ZPBP: variants seen among roughly 807,000 people sequenced by gnomAD.
The protein encoded by ZPBP is zona pellucida-binding protein 1.
Under a neutral mutation model 44.8 loss-of-function variants are expected in ZPBP, and 26 were observed. That is an observed-to-expected ratio of 0.58 (90% CI 0.43 to 0.81). The LOEUF (loss-of-function observed/expected upper bound fraction) is 0.81, where lower values mean the gene tolerates loss of function less well. Among genes scored for constraint, ZPBP ranks in the 30% least tolerant of loss-of-function variants. ZPBP has a pLI of 0.00. For synonymous variants in ZPBP, 174 were observed against 153.2 expected, an observed-to-expected ratio of 1.14 and a Z score of -1.00; for missense variants, 409 against 434.0, an observed-to-expected ratio of 0.94 and a Z score of 0.51.
At chr7:49,949,839 C>G (rs1274935429) in intron 7 of ZPBP, among the ~76,000 whole-genome samples, 1 of 151,832 alleles carries the variant, frequency 6.6e-6, no homozygotes, top group Non-Finnish European at 1.5e-5. Context: ...TATACACATT[C>G]ATATATTTAA....
chr7:49,903,748 G>C (rs1160458921), intron 1 of ZPBP, among the ~76,000 whole-genome samples: 1 of 152,130 alleles, frequency 6.6e-6, no homozygotes, highest in South Asian at 2.1e-4. Flanking sequence ...CAGGGTTTGT[G>C]GTCTTGCTCC....
the ZPBP span, among the ~76,000 whole-genome samples, chr7:49,842,249 A>G: frequency 6.6e-6 from 1 of 152,228 alleles, no homozygotes; most frequent in Admixed American, 6.5e-5. Flanking sequence ...ATATGCATGA[A>G]CTAGTAAATG....
intron 6 of ZPBP, among the ~76,000 whole-genome samples, chr7:50,011,983 A>G (rs943106437): frequency 2.2e-4 from 33 of 151,794 alleles, no homozygotes; most frequent in Middle Eastern, 3.4e-3. Context: ...GTGAGCCAAG[A>G]CTGCACCACT....
At chr7:50,042,191 C>T (rs530916026) in intron 4 of ZPBP, among the ~76,000 whole-genome samples, 2 of 152,274 alleles carry the variant, frequency 1.3e-5, no homozygotes, top group South Asian at 2.1e-4. Flanking sequence ...ACCAAACCTA[C>T]ATTTGATTGG....
intron 6 of ZPBP, among the ~76,000 whole-genome samples, chr7:50,015,064 A>G (rs1798759430): frequency 1.3e-5 from 2 of 152,160 alleles, no homozygotes; most frequent in Non-Finnish European, 2.9e-5. Flanking sequence ...TTCTTTTTAC[A>G]TATGCCAATA....
intron 1 of ZPBP, chr7:49,913,621 G>T (rs1793572898): frequency 1.3e-5 from 2 of 152,110 alleles, no homozygotes; most frequent in Admixed American, 6.6e-5. Context: ...AGGGAATAAG[G>T]CTTGATTTCT....
chr7:50,033,687 T>TTTATTTATTTAC (rs2128813083), intron 4 of ZPBP, among the ~76,000 whole-genome samples: 1 of 151,538 alleles, frequency 6.6e-6, no homozygotes, highest in African/African-American at 2.4e-5. Flanking sequence ...AGTTTATTTA[T>TTTATTTATTTAC]TTATTTATTT....
chr7:50,013,460 G>A (rs1474514445), intron 6 of ZPBP, among the ~76,000 whole-genome samples: 1 of 151,796 alleles, frequency 6.6e-6, no homozygotes, highest in East Asian at 1.9e-4. Flanking sequence ...TCTGTCTAAA[G>A]CCATCAGTAG....
intron 2 of ZPBP, among the ~76,000 whole-genome samples, chr7:49,896,193 T>C (rs545978296): frequency 6.6e-6 from 1 of 152,096 alleles, no homozygotes; most frequent in South Asian, 2.1e-4. Flanking sequence ...ATACAAAAAT[T>C]AGTCAGGTTT....
intron 7 of ZPBP, among the ~76,000 whole-genome samples, chr7:49,964,157 G>C (rs569542355): frequency 1.1e-4 from 17 of 151,570 alleles, no homozygotes; most frequent in Middle Eastern, 3.4e-3. Flanking sequence ...TCTGATAAAG[G>C]GTATCTTAAA....
intron 7 of ZPBP, among the ~76,000 whole-genome samples, chr7:49,948,258 A>G (rs1028511317): frequency 3.3e-5 from 5 of 152,148 alleles, no homozygotes; most frequent in Admixed American, 2.6e-4. Context: ...CAGTTGTTCA[A>G]TTTGGTGTTC....
chr7:50,090,325 C>T (rs1181025201), intron 1 of ZPBP, among the ~76,000 whole-genome samples: 2 of 151,948 alleles, frequency 1.3e-5, no homozygotes, highest in Non-Finnish European at 2.9e-5. Flanking sequence ...GCTTAGCTCC[C>T]ACTTATAAAT....
Position 49,981,826 on chromosome 7 carries a change from T to G in ZPBP, c.961+1516A>C, listed in dbSNP as rs1179381088. Among the ~76,000 whole-genome samples the G allele has an allele frequency of 2.3e-4, 19 of 80,914 alleles. 3 individuals are homozygous for G. Among genetic ancestry groups the G allele is most frequent in the African/African-American group, 9.3e-4 (18 of 19,310 alleles). The allele number at this position is 80,914 out of a possible 152,430, so 53.1% of individuals were successfully genotyped here. On this transcript the variant is annotated intron_variant, in intron 7 of 7. Coordinates refer to ENST00000046087, the MANE Select transcript of ZPBP (RefSeq NM_007009.3). Reference sequence around the variant, plus strand: ...ATGAATTATATAGATTATATAATTATATGAATTATATAGATTATATAATTA... The same window carrying G: ...ATGAATTATATAGATTATATAATTAGATGAATTATATAGATTATATAATTA...
At chr7:49,982,995 C>T (rs955028888) in intron 7 of ZPBP, among the ~76,000 whole-genome samples, 1 of 151,940 alleles carries the variant, frequency 6.6e-6, no homozygotes, top group Non-Finnish European at 1.5e-5. Context: ...CTACTGTAGA[C>T]TATACAAACC....
intron 6 of ZPBP, among the ~76,000 whole-genome samples, chr7:49,986,340 C>T (rs1462226084): frequency 2.0e-5 from 3 of 152,194 alleles, no homozygotes; most frequent in Non-Finnish European, 2.9e-5. Flanking sequence ...ACCACCCCAC[C>T]ACAATGGCCG....
chr7:49,995,974 T>A (rs189217577), intron 6 of ZPBP, among the ~76,000 whole-genome samples: 1 of 152,142 alleles, frequency 6.6e-6, no homozygotes, highest in Non-Finnish European at 1.5e-5. Flanking sequence ...AGGGTGACTA[T>A]AGTTAACAAC....
At chr7:49,867,889 A>G (rs1197350730) in intron 2 of ZPBP, among the ~76,000 whole-genome samples, 1 of 151,026 alleles carries the variant, frequency 6.6e-6, no homozygotes, top group African/African-American at 2.4e-5. Context: ...GCTGGAGTGC[A>G]ATGGTGCAAT....
chr7:49,900,126 A>G (rs2128735151), intron 2 of ZPBP, among the ~76,000 whole-genome samples: 1 of 151,884 alleles, frequency 6.6e-6, no homozygotes, highest in South Asian at 2.1e-4. Flanking sequence ...CTAAATAAAA[A>G]TTTAGTTTAT....
chr7:49,844,096 A>T, the ZPBP span, among the ~76,000 whole-genome samples: 1 of 152,168 alleles, frequency 6.6e-6, no homozygotes, highest in African/African-American at 2.4e-5. Flanking sequence ...GCAGGAGAGG[A>T]TGGCAACAGG....
Sources: allele counts gnomAD v4.1 joint callset (sites outside exome capture counted in the v4.1 genomes callset), GRCh38; gene constraint gnomAD v4.1.1; transcripts MANE v1.5; gene names NCBI Gene and HGNC (gene_info 2026-07-23, HGNC 2026-07-21).